The following SEPTIN7 variants were observed in gnomAD, a reference collection of about 807,000 sequenced individuals.
SEPTIN7 encodes septin-7.
In SEPTIN7, 10 loss-of-function variants were observed where a neutral mutation model predicts 63.3. The observed-to-expected ratio is 0.16, with a 90% CI of 0.10 to 0.27. The LOEUF is 0.27. SEPTIN7 is among the 10% of genes least tolerant of loss of function. The pLI is 1.00. For synonymous variants in SEPTIN7, 131 were observed against 165.3 expected, an observed-to-expected ratio of 0.79 and a Z score of 1.59; for missense variants, 310 against 521.0, an observed-to-expected ratio of 0.59 and a Z score of 3.94.
chr7:35,856,981 C>G (rs1030453278), intron 3 of SEPTIN7, among the ~76,000 whole-genome samples: 1 of 151,990 alleles, frequency 6.6e-6, no homozygotes, highest in Non-Finnish European at 1.5e-5. Context: ...TTTTGATTTT[C>G]CTCCTTCCTT....
chr7:35,822,497 A>C (rs1197111750), intron 1 of SEPTIN7, among the ~76,000 whole-genome samples: 1 of 152,158 alleles, frequency 6.6e-6, no homozygotes, highest in Non-Finnish European at 1.5e-5. Context: ...AACAGTTCAC[A>C]ATAGGGTTCA....
At chr7:35,903,448 T>G (rs1050918492) in intron 13 of SEPTIN7, among the ~76,000 whole-genome samples, 5 of 152,200 alleles carry the variant, frequency 3.3e-5, no homozygotes, top group African/African-American at 9.6e-5. Context: ...AATTATGATT[T>G]AGCAACTTCA....
At chr7:35,838,360 CCCT>C (rs1480403392) in intron 3 of SEPTIN7, among the ~76,000 whole-genome samples, 3 of 26,466 alleles carry the variant, frequency 1.1e-4, no homozygotes, top group African/African-American at 4.2e-4. Flanking sequence ...CTCCCTCCCT[CCCT>C]CCTCCCTCCC....
intron 2 of SEPTIN7, 101 bp from the exon 3 acceptor site, chr7:35,832,697 A>G: frequency 1.3e-6 from 1 of 759,404 alleles, no homozygotes; most frequent in Non-Finnish European, 2.4e-6. Flanking sequence ...GCTGTGAATA[A>G]TAGTATAATT....
intron 3 of SEPTIN7, chr7:35,847,556 AAG>A (rs1784744308): frequency 6.6e-6 from 1 of 152,252 alleles, no homozygotes; most frequent in African/African-American, 2.4e-5. Context: ...ATTTTTAAAA[AAG>A]TACTGTTCTT....
At chr7:35,882,172 G>C (rs1025233592) in intron 7 of SEPTIN7, among the ~76,000 whole-genome samples, 11 of 151,888 alleles carry the variant, frequency 7.2e-5, no homozygotes, top group Admixed American at 2.0e-4. Flanking sequence ...AGTCATTATT[G>C]TGGAAATCAA....
At chr7:35,912,896 A>G in the SEPTIN7 span, among the ~76,000 whole-genome samples, 3 of 152,260 alleles carry the variant, frequency 2.0e-5, no homozygotes, top group African/African-American at 7.2e-5. Context: ...CCAGCTGGGC[A>G]TATAATAAGC....
At chr7:35,869,836 T>C (rs1447367148) in intron 4 of SEPTIN7, among the ~76,000 whole-genome samples, 1 of 152,188 alleles carries the variant, frequency 6.6e-6, no homozygotes, top group Admixed American at 6.5e-5. Flanking sequence ...TTATTTATTT[T>C]TCAGGGAAAA....
chr7:35,811,183 T>C (rs1056680191), intron 1 of SEPTIN7, among the ~76,000 whole-genome samples: 11 of 152,302 alleles, frequency 7.2e-5, no homozygotes, highest in African/African-American at 2.6e-4. Context: ...ATTCTCATAA[T>C]AATTTTCTTA....
chr7:35,807,431 G>A (rs6979336), intron 1 of SEPTIN7, among the ~76,000 whole-genome samples: 47,769 of 146,438 alleles, frequency 0.33, 8,014 homozygotes, highest in East Asian at 0.41. Flanking sequence ...GCGCGATCTC[G>A]GCTCGCTGTA....
Position 35,905,555 on chromosome 7 carries a change from A to T in SEPTIN7, c.*1262A>T, listed in dbSNP as rs886393108. ...TTTCCCCCAGACAGGGTCTTGCTTCATTGCCCAGGCTGGAGTGCGGTGGCA... is the reference window on the plus strand; with the variant it reads ...TTTCCCCCAGACAGGGTCTTGCTTCTTTGCCCAGGCTGGAGTGCGGTGGCA... On this transcript the variant is annotated 3_prime_UTR_variant, in exon 14 of 14. Coordinates refer to ENST00000350320, the MANE Select transcript of SEPTIN7 (RefSeq NM_001788.6). 6.6e-6 allele frequency: 1 copy of T among 151,674 alleles called. No homozygotes were observed. The highest frequency in any genetic ancestry group is 2.4e-5 in the African/African-American group (1 of 41,216). 9.4% of individuals were successfully genotyped at this position (151,674 alleles called of 1,614,324 possible).
intron 3 of SEPTIN7, among the ~76,000 whole-genome samples, chr7:35,855,391 T>G (rs985380940): frequency 6.6e-6 from 1 of 152,222 alleles, no homozygotes; most frequent in African/African-American, 2.4e-5. Context: ...GTAATGTACA[T>G]TTCTGAAAGT....
At position 35,821,531 on chromosome 7, in the gene SEPTIN7, A is replaced by G. The variant is rs150235837; in HGVS notation, c.62-9961A>G. ...TTTAGAACTCATCAAAAATTGTTAC[A>G]ATTTTTTACTATTATGAGCAGTGCT... is the stretch of plus-strand genomic sequence containing the variant. On this transcript the variant is annotated intron_variant, in intron 1 of 13. Coordinates refer to ENST00000350320, the MANE Select transcript of SEPTIN7 (RefSeq NM_001788.6). 2.2e-4 allele frequency among the ~76,000 whole-genome samples: 33 copies of G among 152,228 alleles called. No individual in the cohort carries two copies. In the East Asian group the frequency reaches 6.0e-3, roughly 28 times the overall value.
intron 1 of SEPTIN7, chr7:35,803,049 G>T (rs548996843): frequency 2.3e-6 from 1 of 440,988 alleles, no homozygotes; most frequent in East Asian, 1.6e-4. Flanking sequence ...TAGGCTTACA[G>T]AATTCAAATT....
intron 1 of SEPTIN7, among the ~76,000 whole-genome samples, chr7:35,815,948 G>C (rs966819895): frequency 6.6e-6 from 1 of 151,936 alleles, no homozygotes; most frequent in African/African-American, 2.4e-5. Flanking sequence ...TAGAGGTAAT[G>C]GATCTCATCA....
At position 35,906,938 on chromosome 7, in the gene SEPTIN7, C is replaced by T. The variant is rs560130063; in HGVS notation, c.*2645C>T. 1 of 152,230 alleles carries T rather than the reference C, an allele frequency of 6.6e-6. No homozygotes were observed. The highest frequency in any genetic ancestry group is 1.5e-5 in the Non-Finnish European group (1 of 68,050). 9.4% of individuals were successfully genotyped at this position (152,230 alleles called of 1,614,324 possible). A position where few individuals can be genotyped will look rare whatever the true frequency, so the allele number is the denominator to read the frequency against. On this transcript the variant is annotated 3_prime_UTR_variant, in exon 14 of 14. Transcript: ENST00000350320. The stretch of plus-strand genomic sequence containing the variant: ...GAAATGTTGACTCAGTTATCTAGAT[C>T]ATGGTCTCCAAACCTGATGCTATTT...
In SEPTIN7 at chr7:35,898,323, G is replaced by A. The variant is rs1583650335; in HGVS notation, c.1074G>A (p.Glu358=). The A allele has an allele frequency of 1.3e-6, 2 of 1,550,188 alleles. No homozygotes were observed. Among genetic ancestry groups the A allele is most frequent in the African/African-American group, 2.7e-5 (2 of 73,034 alleles). The change falls in exon 12 of 14, where the codon GAG becomes GAA. Residue 358 remains glutamate, a synonymous_variant. Transcript: ENST00000350320. Reference sequence around the variant, plus strand: ...TGAAGAAGATGGAGATGGAGATGGAGCAGGTGTTTGAGATGAAGGTCAAAG... The same window carrying A: ...TGAAGAAGATGGAGATGGAGATGGAACAGGTGTTTGAGATGAAGGTCAAAG... ...AKMKKMEMEM[E]QVFEMKVKEK...
At chr7:35,913,427 C>G in the SEPTIN7 span, among the ~76,000 whole-genome samples, 1 of 151,652 alleles carries the variant, frequency 6.6e-6, no homozygotes, top group Non-Finnish European at 1.5e-5. Flanking sequence ...TTCTTTTTCT[C>G]TCTCTTTCTT....
At chr7:35,808,411 C>T (rs1239145652) in intron 1 of SEPTIN7, among the ~76,000 whole-genome samples, 1 of 152,148 alleles carries the variant, frequency 6.6e-6, no homozygotes, top group Admixed American at 6.6e-5. Context: ...TATTCCGTAT[C>T]AGTACATAAA....
Sources: gnomAD v4.1 joint callset for allele counts (sites outside exome capture counted in the v4.1 genomes callset) on GRCh38, gnomAD v4.1.1 for gene constraint, MANE v1.5 for transcripts, NCBI Gene and HGNC (gene_info 2026-07-23, HGNC 2026-07-21) for gene names.